Variants in GALNT13 observed in about 807,000 individuals in gnomAD.
GALNT13 encodes polypeptide N-acetylgalactosaminyltransferase 13, also known as UDP-GalNAc:polypeptide N-acetylgalactosaminyltransferase 13.
A neutral mutation model predicts 64.2 loss-of-function variants in GALNT13; 28 were observed. The observed-to-expected ratio is 0.44, with a 90% confidence interval of 0.32 to 0.60. GALNT13 has a LOEUF of 0.60. Ranked by LOEUF, GALNT13 falls within the 20% of genes least tolerant of loss-of-function variation. The probability of loss-of-function intolerance (pLI) is 0.05; values close to 1 mark genes in which losing one functional copy is unlikely to be tolerated. For synonymous variants in GALNT13, 214 were observed against 224.6 expected (o/e 0.95, Z 0.42); for missense variants, 577 against 669.8 (o/e 0.86, Z 1.53).
At chr2:154,400,300 C>G (rs1461765483) in intron 10 of GALNT13, among the ~76,000 whole-genome samples, 3 of 152,156 alleles carry the variant, frequency 2.0e-5, no homozygotes, top group Non-Finnish European at 4.4e-5. Flanking sequence ...TACTTGCCAT[C>G]AAAACAAGAA....
the GALNT13 span, among the ~76,000 whole-genome samples, chr2:153,768,368 T>G: frequency 6.6e-6 from 1 of 152,200 alleles, no homozygotes; most frequent in Non-Finnish European, 1.5e-5. Flanking sequence ...CTTGATGATC[T>G]GTTTAGTGAT....
chr2:153,476,285 TTGTGCTTCTTTC>T, the GALNT13 span, among the ~76,000 whole-genome samples: 1 of 152,228 alleles, frequency 6.6e-6, no homozygotes, highest in East Asian at 1.9e-4. Flanking sequence ...TTTACACCAG[TTGTGCTTCTTTC>T]TGAGTAAATG....
the GALNT13 span, among the ~76,000 whole-genome samples, chr2:153,440,707 A>G: frequency 1.3e-5 from 2 of 151,964 alleles, no homozygotes; most frequent in African/African-American, 4.8e-5. Flanking sequence ...ACCAGTGATG[A>G]TATGCTTTTT....
At chr2:153,658,788 T>TC in the GALNT13 span, among the ~76,000 whole-genome samples, 1 of 151,828 alleles carries the variant, frequency 6.6e-6, no homozygotes, top group Admixed American at 6.6e-5. Context: ...GCTTGCTTTT[T>TC]TTTTTTCTTT....
the GALNT13 span, among the ~76,000 whole-genome samples, chr2:153,446,049 TA>T: frequency 1.3e-5 from 2 of 152,308 alleles, no homozygotes; most frequent in South Asian, 4.1e-4. Flanking sequence ...TCTCTATATA[TA>T]AAGTTTACGT....
chr2:154,437,889 T>C (rs1574307236), intron 11 of GALNT13: 2 of 209,376 alleles, frequency 9.6e-6, no homozygotes, highest in South Asian at 1.1e-4. Flanking sequence ...GAAACCTTAA[T>C]AATCAATGTT....
At chr2:153,144,954 G>A in the GALNT13 span, among the ~76,000 whole-genome samples, 1 of 151,836 alleles carries the variant, frequency 6.6e-6, no homozygotes, top group South Asian at 2.1e-4. Context: ...TTATCATAAT[G>A]TCTGACAAAT....
the GALNT13 span, among the ~76,000 whole-genome samples, chr2:153,300,679 T>G: frequency 6.6e-6 from 1 of 152,190 alleles, no homozygotes; most frequent in Non-Finnish European, 1.5e-5. Context: ...TTCTAGATCT[T>G]AGATAGGCAC....
At chr2:153,146,871 C>T in the GALNT13 span, among the ~76,000 whole-genome samples, 5 of 151,886 alleles carry the variant, frequency 3.3e-5, no homozygotes, top group African/African-American at 1.2e-4. Flanking sequence ...GACAGGTCCT[C>T]TCCCAGGGTT....
the GALNT13 span, among the ~76,000 whole-genome samples, chr2:153,802,468 T>G: frequency 6.6e-6 from 1 of 152,218 alleles, no homozygotes; most frequent in Non-Finnish European, 1.5e-5. Context: ...CCATTTTCTC[T>G]GTTATCATTT....
Position 154,435,514 on chromosome 2 carries a change from C to G in GALNT13, c.1396-3078C>G, listed in dbSNP as rs114020032. ...ACAGCATGAGATTTGGAGATTGTCC[C>G]CAAAGTCATAAAGGAACTCATAAGT... On this transcript the variant is annotated intron_variant, in intron 11 of 12. Transcript: ENST00000392825. 6.5e-3 allele frequency among the ~76,000 whole-genome samples: 984 copies of G among 152,192 alleles called. 8 individuals are homozygous for G. Among genetic ancestry groups the G allele is most frequent in the South Asian group, 0.038 (185 of 4,822 alleles).
intron 11 of GALNT13, among the ~76,000 whole-genome samples, chr2:154,429,320 T>A (rs931192855): frequency 6.6e-6 from 1 of 151,896 alleles, no homozygotes; most frequent in Non-Finnish European, 1.5e-5. Flanking sequence ...TTGAAGGAAA[T>A]TGAAAGTGTT....
the GALNT13 span, among the ~76,000 whole-genome samples, chr2:153,729,208 TGTAGA>T: frequency 6.6e-6 from 1 of 152,152 alleles, no homozygotes; most frequent in African/African-American, 2.4e-5. Flanking sequence ...TGTCTTCTTA[TGTAGA>T]GTATCTTTAA....
the GALNT13 span, among the ~76,000 whole-genome samples, chr2:153,202,297 T>C: frequency 6.6e-6 from 1 of 152,174 alleles, no homozygotes; most frequent in African/African-American, 2.4e-5. Context: ...GCCTTTTATC[T>C]ACATATGCTA....
At chr2:153,633,814 AT>A in the GALNT13 span, among the ~76,000 whole-genome samples, 14 of 152,170 alleles carry the variant, frequency 9.2e-5, no homozygotes, top group African/African-American at 2.9e-4. Context: ...AAGCCTCTGC[AT>A]TTTTCATAGC....
chr2:153,793,883 A>G, the GALNT13 span, among the ~76,000 whole-genome samples: 1 of 152,196 alleles, frequency 6.6e-6, no homozygotes, highest in Non-Finnish European at 1.5e-5. Context: ...TAAATACTCT[A>G]GAAAGCTGGT....
chr2:153,321,970 A>AG, the GALNT13 span, among the ~76,000 whole-genome samples: 1 of 78,550 alleles, frequency 1.3e-5, no homozygotes, highest in Non-Finnish European at 3.0e-5. Flanking sequence ...TTGTGTGTAA[A>AG]GTTGTGTGTG....
chr2:154,172,383 G>A (rs955878285), intron 4 of GALNT13, among the ~76,000 whole-genome samples: 1 of 151,538 alleles, frequency 6.6e-6, no homozygotes. Context: ...TCTAACATTG[G>A]GTGTTATTCC....
At chr2:153,240,409 G>C in the GALNT13 span, among the ~76,000 whole-genome samples, 1 of 152,096 alleles carries the variant, frequency 6.6e-6, no homozygotes, top group Non-Finnish European at 1.5e-5. Flanking sequence ...CCATAGGGTG[G>C]TTACAAATTT....
Sources: allele counts gnomAD v4.1 joint callset (sites outside exome capture counted in the v4.1 genomes callset), GRCh38; gene constraint gnomAD v4.1.1; transcripts MANE v1.5; gene names NCBI Gene and HGNC (gene_info 2026-07-23, HGNC 2026-07-21).